PDE1C: variants seen among roughly 807,000 people sequenced by gnomAD.
The protein encoded by PDE1C is dual specificity calcium/calmodulin-dependent 3',5'-cyclic nucleotide phosphodiesterase 1C.
Under a neutral mutation model 93.1 loss-of-function variants are expected in PDE1C, and 62 were observed. The ratio of observed to expected loss-of-function variants is 0.67; its 90% confidence interval spans 0.54 to 0.82. The LOEUF is 0.82. PDE1C is among the 40% of genes least tolerant of loss of function. PDE1C has a pLI of 0.00. For synonymous variants in PDE1C, 325 were observed against 310.1 expected, an observed-to-expected ratio of 1.05 and a Z score of -0.50; for missense variants, 742 against 884.6, an observed-to-expected ratio of 0.84 and a Z score of 2.04.
At chr7:31,696,921 A>G in the PDE1C span, 5 of 1,595,878 alleles carry the variant, frequency 3.1e-6, no homozygotes, top group Admixed American at 8.5e-5. Context: ...ATTAGGATAT[A>G]TGTATTTGAT....
the PDE1C span, among the ~76,000 whole-genome samples, chr7:31,712,374 C>T: frequency 1.3e-5 from 2 of 152,234 alleles, no homozygotes; most frequent in Non-Finnish European, 2.9e-5. Context: ...TGCAGGAACA[C>T]AAGGTTACTT....
At chr7:32,083,793 G>A (rs1025200764) in intron 3 of PDE1C, among the ~76,000 whole-genome samples, 2 of 151,886 alleles carry the variant, frequency 1.3e-5, no homozygotes, top group African/African-American at 4.8e-5. Flanking sequence ...TTACAGACAA[G>A]CAAATGCTGA....
chr7:31,771,926 G>T (rs1191322899), intron 17 of PDE1C, among the ~76,000 whole-genome samples: 1 of 151,756 alleles, frequency 6.6e-6, no homozygotes, highest in African/African-American at 2.4e-5. Context: ...GGTGCCTGTA[G>T]TCCCAGCTAC....
intron 2 of PDE1C, among the ~76,000 whole-genome samples, chr7:32,170,341 G>A (rs558077257): frequency 1.6e-3 from 242 of 152,224 alleles, no homozygotes; most frequent in African/African-American, 5.3e-3. Context: ...GCTTGCTGAA[G>A]CCCAAGACTC....
At chr7:32,078,753 T>C (rs1007190930) in intron 3 of PDE1C, among the ~76,000 whole-genome samples, 4 of 152,010 alleles carry the variant, frequency 2.6e-5, no homozygotes, top group Non-Finnish European at 5.9e-5. Context: ...GGGAAGACCC[T>C]GTCTCTACAA....
intron 2 of PDE1C, among the ~76,000 whole-genome samples, chr7:31,909,832 T>C (rs540430731): frequency 6.6e-6 from 1 of 152,328 alleles, no homozygotes; most frequent in South Asian, 2.1e-4. Context: ...GAACCCAGGC[T>C]GTCTGGCACT....
At position 32,406,151 on chromosome 7, in the gene PDE1C, A is replaced by C. The variant is rs1189858461; in HGVS notation, c.310+21671T>G. On this transcript the variant is annotated intron_variant, in intron 1 of 1. Transcript: ENST00000672256. Reference sequence around the variant, plus strand: ...AGGCCTAAAAGCACACTAGAGGCAAAAACAGGACTAGCACGTCGGTTTCAT... The same window carrying C: ...AGGCCTAAAAGCACACTAGAGGCAACAACAGGACTAGCACGTCGGTTTCAT... Among the ~76,000 whole-genome samples the C allele has an allele frequency of 2.6e-5, 4 of 152,180 alleles. No individual in the cohort carries two copies. In the East Asian group the frequency reaches 7.7e-4, roughly 29 times the overall value.
At chr7:31,885,050 T>C (rs2128886702) in intron 2 of PDE1C, among the ~76,000 whole-genome samples, 1 of 152,278 alleles carries the variant, frequency 6.6e-6, no homozygotes, top group East Asian at 1.9e-4. Context: ...AAAAGGCAAA[T>C]GTCCTCAGAG....
At chr7:32,098,321 G>A (rs76543429) in intron 3 of PDE1C, among the ~76,000 whole-genome samples, 1,830 of 150,076 alleles carry the variant, frequency 0.012, 39 homozygotes, top group African/African-American at 0.042. Flanking sequence ...TATAGATGAA[G>A]TTCCCAAAAG....
chr7:32,151,319 T>C (rs1260168885), intron 3 of PDE1C, among the ~76,000 whole-genome samples: 3 of 152,170 alleles, frequency 2.0e-5, no homozygotes, highest in Non-Finnish European at 4.4e-5. Flanking sequence ...CTTCACTCCA[T>C]AGTTATTTAT....
chr7:32,113,236 AATATATATATATATATAT>A (rs35138046), intron 3 of PDE1C, among the ~76,000 whole-genome samples: 1 of 94,020 alleles, frequency 1.1e-5, no homozygotes, highest in Non-Finnish European at 2.0e-5. Flanking sequence ...ATTGTCCTTA[AATATATATATATATATAT>A]ATATATATAT....
the PDE1C span, among the ~76,000 whole-genome samples, chr7:31,618,663 A>G: frequency 0.042 from 6,345 of 152,232 alleles, 380 homozygotes; most frequent in African/African-American, 0.13. Context: ...CCATAATTAT[A>G]GTTGAGTATT....
chr7:31,619,806 T>C, the PDE1C span, among the ~76,000 whole-genome samples: 35 of 152,136 alleles, frequency 2.3e-4, no homozygotes, highest in African/African-American at 8.2e-4. Flanking sequence ...GCGCGAGGCA[T>C]TGCCTCCCTC....
intron 1 of PDE1C, among the ~76,000 whole-genome samples, chr7:32,337,435 T>C (rs74951274): frequency 2.0e-5 from 3 of 152,104 alleles, no homozygotes; most frequent in African/African-American, 7.2e-5. Context: ...ACTAGTATAG[T>C]TGAATGAAAA....
intron 1 of PDE1C, among the ~76,000 whole-genome samples, chr7:32,353,558 T>G (rs1214743332): frequency 2.7e-5 from 4 of 150,758 alleles, no homozygotes; most frequent in East Asian, 1.9e-4. Context: ...TAGTTTTTGT[T>G]TTTTTTTTTT....
At chr7:31,627,727 A>C in the PDE1C span, among the ~76,000 whole-genome samples, 4 of 151,728 alleles carry the variant, frequency 2.6e-5, no homozygotes, top group South Asian at 6.2e-4. Context: ...ACTTGACAGA[A>C]TGGAAAGCAG....
intron 1 of PDE1C, among the ~76,000 whole-genome samples, chr7:32,275,690 G>T (rs1268230617): frequency 3.3e-5 from 5 of 151,790 alleles, no homozygotes; most frequent in African/African-American, 1.2e-4. Flanking sequence ...CTTTCAGGTT[G>T]CACCTGCAAA....
chr7:31,739,674 T>C, the PDE1C span, among the ~76,000 whole-genome samples: 1 of 151,974 alleles, frequency 6.6e-6, no homozygotes, highest in East Asian at 1.9e-4. Flanking sequence ...AGTGCACGAG[T>C]GGAGGTCCTC....
the PDE1C span, among the ~76,000 whole-genome samples, chr7:31,730,652 T>C: frequency 1.3e-5 from 2 of 152,306 alleles, no homozygotes; most frequent in East Asian, 3.9e-4. Context: ...CTTTATTAGG[T>C]ACTGCAGATA....
Sources: allele counts gnomAD v4.1 joint callset (sites outside exome capture counted in the v4.1 genomes callset), GRCh38; gene constraint gnomAD v4.1.1; transcripts MANE v1.5; gene names NCBI Gene and HGNC (gene_info 2026-07-23, HGNC 2026-07-21).